Variants in CSMD1 observed in about 807,000 individuals in gnomAD.
CSMD1 encodes CUB and Sushi multiple domains 1.
In CSMD1, 213 loss-of-function variants were observed where a neutral mutation model predicts 417.5. The ratio of observed to expected loss-of-function variants is 0.51; its 90% CI spans 0.46 to 0.57. CSMD1 has a LOEUF of 0.57. Among genes scored for constraint, CSMD1 ranks in the 20% least tolerant of loss-of-function variants. The pLI, the probability that CSMD1 is intolerant of heterozygous loss-of-function variation, is 0.00. For missense variants in CSMD1, 6,923 were observed against 4,529.7 expected (o/e 1.53, Z -15.17); for synonymous variants, 2,862 against 1,736.8 (o/e 1.65, Z -16.11).
chr8:4,189,958 G>A (rs1034957040), intron 3 of CSMD1, among the ~76,000 whole-genome samples: 1 of 151,766 alleles, frequency 6.6e-6, no homozygotes, highest in Non-Finnish European at 1.5e-5. Flanking sequence ...GCATAGTGTA[G>A]TGCTTAAAAG....
intron 2 of CSMD1, among the ~76,000 whole-genome samples, chr8:4,517,529 T>C (rs540070524): frequency 6.6e-6 from 1 of 152,228 alleles, no homozygotes; most frequent in African/African-American, 2.4e-5. Context: ...TAACTACTGA[T>C]TTCTAACTCC....
chr8:3,376,436 C>T (rs1585074149), intron 18 of CSMD1, among the ~76,000 whole-genome samples: 1 of 151,984 alleles, frequency 6.6e-6, no homozygotes, highest in African/African-American at 2.4e-5. Flanking sequence ...TTCTACAGAA[C>T]ATATATCTTA....
chr8:3,867,433 T>A (rs554953224), intron 5 of CSMD1, among the ~76,000 whole-genome samples: 2 of 152,278 alleles, frequency 1.3e-5, no homozygotes, highest in South Asian at 4.1e-4. Flanking sequence ...TATTTGCCCT[T>A]GAGTCTTCCT....
intron 68 of CSMD1, 86 bp downstream of exon 68, chr8:2,949,213 G>T: frequency 1.4e-6 from 1 of 720,248 alleles, no homozygotes; most frequent in Non-Finnish European, 2.4e-6. Flanking sequence ...GTTTCTTTTA[G>T]AGTCGTCTTT....
intron 5 of CSMD1, among the ~76,000 whole-genome samples, chr8:3,773,037 G>A (rs1798702566): frequency 6.6e-6 from 1 of 152,134 alleles, no homozygotes; most frequent in African/African-American, 2.4e-5. Context: ...ACCTTCCCAT[G>A]ACAGAAGGGA....
intron 2 of CSMD1, among the ~76,000 whole-genome samples, chr8:4,561,634 A>C (rs1798336892): frequency 6.6e-6 from 1 of 152,204 alleles, no homozygotes; most frequent in African/African-American, 2.4e-5. Context: ...GTGAGCCATG[A>C]ATGAGCTACT....
At chr8:4,167,682 G>A (rs1188845317) in intron 3 of CSMD1, among the ~76,000 whole-genome samples, 1 of 152,114 alleles carries the variant, frequency 6.6e-6, no homozygotes, top group Non-Finnish European at 1.5e-5. Context: ...TTGGTTATAT[G>A]ATCAATTTAA....
Position 3,087,289 on chromosome 8 carries a change from T to C in CSMD1, c.7286-4A>G. The C allele has an allele frequency of 5.6e-6, 9 of 1,612,934 alleles. No homozygotes were observed. The highest frequency in any genetic ancestry group is 3.3e-4 in the Middle Eastern group (2 of 6,012). ...TGGGTCAAACTGCAGTAAGGTGCTG[T>C]GGGCAGACAGACACACACAGAAATA... On this transcript the variant is annotated splice_polypyrimidine_tract_variant and splice_region_variant and intron_variant, in intron 48 of 69. Transcript: ENST00000635120.
intron 46 of CSMD1, among the ~76,000 whole-genome samples, chr8:3,100,498 G>C (rs996327722): frequency 2.0e-5 from 3 of 152,174 alleles, no homozygotes; most frequent in Non-Finnish European, 2.9e-5. Context: ...TCCTATAGCT[G>C]AGATGTTTAT....
chr8:4,760,035 A>C (rs1359574309), intron 1 of CSMD1, among the ~76,000 whole-genome samples: 2 of 152,214 alleles, frequency 1.3e-5, no homozygotes, highest in African/African-American at 4.8e-5. Flanking sequence ...CCAACAGTGT[A>C]AAAGTCTTCC....
chr8:3,369,996 G>A (rs1181807203), intron 18 of CSMD1, among the ~76,000 whole-genome samples: 1 of 152,164 alleles, frequency 6.6e-6, no homozygotes, highest in Non-Finnish European at 1.5e-5. Context: ...TCATGGATAG[G>A]TGTTTGCAAT....
intron 1 of CSMD1, among the ~76,000 whole-genome samples, chr8:4,639,855 A>C (rs1430826511): frequency 6.6e-6 from 1 of 152,224 alleles, no homozygotes; most frequent in Non-Finnish European, 1.5e-5. Flanking sequence ...GTTTAAAACC[A>C]GAGAACTAAT....
chr8:4,155,157 G>A (rs1486790358), intron 3 of CSMD1, among the ~76,000 whole-genome samples: 8 of 152,160 alleles, frequency 5.3e-5, no homozygotes, highest in East Asian at 1.9e-4. Flanking sequence ...GATAAAAGAG[G>A]CACTGACTGT....
At chr8:3,833,353 T>A (rs1244567076) in intron 5 of CSMD1, among the ~76,000 whole-genome samples, 1 of 152,150 alleles carries the variant, frequency 6.6e-6, no homozygotes, top group Non-Finnish European at 1.5e-5. Flanking sequence ...CCATTTTATA[T>A]ACAACGGCAT....
chr8:4,394,722 A>G (rs1196061379), intron 3 of CSMD1, among the ~76,000 whole-genome samples: 1 of 152,186 alleles, frequency 6.6e-6, no homozygotes, highest in Non-Finnish European at 1.5e-5. Context: ...TGCCCAGATC[A>G]AAGAGTGACA....
At position 4,041,263 on chromosome 8, in the gene CSMD1, C is replaced by A. The variant is rs537167207; in HGVS notation, c.416-9164G>T. On this transcript the variant is annotated intron_variant, in intron 3 of 69. Coordinates refer to ENST00000635120, the MANE Select transcript of CSMD1 (RefSeq NM_033225.6). ...CGATCTCCTGACCTCGTGATCCGCC[C>A]GCCTCGGCCTCCCAAAGTACGGGGA... 5.3e-5 allele frequency among the ~76,000 whole-genome samples: 8 copies of A among 150,108 alleles called. No individual in the cohort carries two copies. The South Asian group carries it at 1.5e-3, about 28-fold the overall frequency.
chr8:4,951,737 C>A (rs892958313), intron 1 of CSMD1, among the ~76,000 whole-genome samples: 3 of 151,574 alleles, frequency 2.0e-5, no homozygotes, highest in African/African-American at 7.3e-5. Context: ...AATAATGTTA[C>A]TCACAATCTT....
At chr8:4,098,430 A>G (rs1585309313) in intron 3 of CSMD1, among the ~76,000 whole-genome samples, 1 of 152,236 alleles carries the variant, frequency 6.6e-6, no homozygotes, top group Middle Eastern at 3.4e-3. Flanking sequence ...ATGTTACATA[A>G]TATGTGCAAC....
In CSMD1 at chr8:4,564,223, A is replaced by G. The variant is rs536110859; in HGVS notation, c.302+73119T>C. ...CTTCACTTCCTTCCCCTGGACATGC[A>G]CAAGGAAAACAAGCACAATATCCTT... On this transcript the variant is annotated intron_variant, in intron 2 of 69. Coordinates refer to ENST00000635120, the MANE Select transcript of CSMD1 (RefSeq NM_033225.6). Among the ~76,000 whole-genome samples, 29 of 152,332 alleles carry G rather than the reference A, an allele frequency of 1.9e-4. No individual in the cohort carries two copies. The South Asian group carries it at 5.6e-3, about 29-fold the overall frequency.
Sources: gnomAD v4.1 joint callset for allele counts (sites outside exome capture counted in the v4.1 genomes callset) on GRCh38, gnomAD v4.1.1 for gene constraint, MANE v1.5 for transcripts, NCBI Gene and HGNC (gene_info 2026-07-23, HGNC 2026-07-21) for gene names.